Variants in B4GALT6 observed in about 807,000 individuals in gnomAD.
B4GALT6 encodes beta-1,4-galactosyltransferase 6.
In B4GALT6, 14 loss-of-function variants were observed where a neutral mutation model predicts 46.3. The observed-to-expected ratio is 0.30, with a 90% CI of 0.20 to 0.47. The LOEUF is 0.47. Among genes scored for constraint, B4GALT6 ranks in the 20% least tolerant of loss-of-function variants. The pLI, the probability that B4GALT6 is intolerant of heterozygous loss-of-function variation, is 0.99. For synonymous variants in B4GALT6, 168 were observed against 162.0 expected (o/e 1.04, Z -0.28); for missense variants, 386 against 480.1 (o/e 0.80, Z 1.83).
At chr18:31,655,931 C>T (rs2074132686) in intron 3 of B4GALT6, among the ~76,000 whole-genome samples, 1 of 151,944 alleles carries the variant, frequency 6.6e-6, no homozygotes, top group Non-Finnish European at 1.5e-5. Flanking sequence ...AGGGACCAGG[C>T]CCACTACTCT....
the B4GALT6 span, among the ~76,000 whole-genome samples, chr18:31,709,269 T>C: frequency 2.0e-5 from 3 of 151,880 alleles, no homozygotes; most frequent in Non-Finnish European, 2.9e-5. Flanking sequence ...CTCACTATGT[T>C]GCCCAGGCTG....
At chr18:31,688,951 T>C (rs572282819), upstream of B4GALT6, among the ~76,000 whole-genome samples, 1 of 152,304 alleles carries the variant, frequency 6.6e-6, no homozygotes, top group African/African-American at 2.4e-5. Flanking sequence ...GAAATAAATA[T>C]ATGTAATCCA....
chr18:31,666,355 T>C lies in B4GALT6; in HGVS notation c.133A>G (p.Met45Val), dbSNP rs146312568. Reference protein sequence around the residue: ...APGIANTYLFMVQARGIMLRE... With the variant: ...APGIANTYLFVVQARGIMLRE... ...AACATTATACCTCGAGCTTGTACCA[T>C]AAAGAGATATGTGTTGGCTATAAAA... is the stretch of plus-strand genomic sequence containing the variant. The change falls in exon 2 of 9, where the codon ATG becomes GTG. Residue 45 changes from methionine to valine, a missense_variant. Transcript: ENST00000306851. The C allele has an allele frequency of 1.0e-5, 16 of 1,594,724 alleles. No homozygotes were observed. The highest frequency in any genetic ancestry group is 8.0e-5 in the African/African-American group (6 of 74,596).
the B4GALT6 span, among the ~76,000 whole-genome samples, chr18:31,705,545 C>T: frequency 3.9e-5 from 6 of 152,314 alleles, no homozygotes; most frequent in South Asian, 4.1e-4. Flanking sequence ...CCCACCACCA[C>T]GCCCAGCTAA....
chr18:31,627,036 A>G lies in B4GALT6; in HGVS notation c.862T>C (p.Trp288Arg), dbSNP rs1277424159. ...RKINGFPNAF[W>R]GWGGEDDDLW... The stretch of plus-strand genomic sequence containing the variant: ...TCATCATCTTCTCCTCCCCATCCCC[A>G]GAAGGCATTAGGAAAACCATTGATC... Residue 288 changes from tryptophan to arginine, a missense_variant, in exon 7 of 9, where the codon TGG becomes CGG. Trp to Arg is a moderately radical substitution (Grantham distance 101). Transcript: ENST00000306851. The G allele has an allele frequency of 6.2e-7, 1 of 1,611,728 alleles. No homozygotes were observed.
At chr18:31,644,320 G>C (rs1168856923) in intron 4 of B4GALT6, among the ~76,000 whole-genome samples, 1 of 152,196 alleles carries the variant, frequency 6.6e-6, no homozygotes, top group African/African-American at 2.4e-5. Flanking sequence ...AATGTGCTCT[G>C]TGTTGGGAAT....
chr18:31,671,177 T>C (rs545125924), intron 1 of B4GALT6, among the ~76,000 whole-genome samples: 46 of 152,342 alleles, frequency 3.0e-4, no homozygotes, highest in African/African-American at 1.1e-3. Context: ...TCCAAGTCTT[T>C]GCTATTGTGA....
At chr18:31,630,120 A>G (rs2073767333) in intron 6 of B4GALT6, among the ~76,000 whole-genome samples, 1 of 141,874 alleles carries the variant, frequency 7.0e-6, no homozygotes, top group Non-Finnish European at 1.5e-5. Context: ...AGTGGGGAGG[A>G]GGAGTGGGGA....
At chr18:31,718,704 A>G in the B4GALT6 span, among the ~76,000 whole-genome samples, 7 of 152,148 alleles carry the variant, frequency 4.6e-5, no homozygotes, top group Non-Finnish European at 7.3e-5. Flanking sequence ...CACTCCTGAG[A>G]GAAGAAGCCG....
chr18:31,652,857 A>G (rs1031502888), intron 3 of B4GALT6, among the ~76,000 whole-genome samples: 23 of 152,006 alleles, frequency 1.5e-4, no homozygotes, highest in Admixed American at 1.3e-3. Context: ...CAAGCTCCTC[A>G]TTGGTCTCCT....
At chr18:31,664,609 A>T (rs2144677816) in intron 2 of B4GALT6, among the ~76,000 whole-genome samples, 1 of 152,048 alleles carries the variant, frequency 6.6e-6, no homozygotes, top group Non-Finnish European at 1.5e-5. Context: ...ATCAAGCTCA[A>T]CATCCACACA....
At chr18:31,702,976 A>G in the B4GALT6 span, among the ~76,000 whole-genome samples, 1 of 152,206 alleles carries the variant, frequency 6.6e-6, no homozygotes, top group Non-Finnish European at 1.5e-5. Flanking sequence ...TTGAGTAAGA[A>G]CCATGAGAAT....
chr18:31,676,150 A>G (rs1218234177), intron 1 of B4GALT6, among the ~76,000 whole-genome samples: 3 of 152,168 alleles, frequency 2.0e-5, no homozygotes, highest in African/African-American at 7.2e-5. Context: ...ATTGCACTAT[A>G]ATTAGAAGTC....
intron 6 of B4GALT6, among the ~76,000 whole-genome samples, chr18:31,629,333 G>A (rs2073744367): frequency 6.7e-6 from 1 of 148,352 alleles, no homozygotes; most frequent in Admixed American, 6.8e-5. Flanking sequence ...AGGGTCAACT[G>A]TATTTTATTA....
intron 1 of B4GALT6, among the ~76,000 whole-genome samples, chr18:31,674,187 T>C (rs549961873): frequency 2.5e-4 from 38 of 152,136 alleles, no homozygotes; most frequent in Non-Finnish European, 4.7e-4. Context: ...AGGTACAACT[T>C]TCTCCATTAG....
intron 5 of B4GALT6, among the ~76,000 whole-genome samples, chr18:31,634,041 CTT>C (rs1037960614): frequency 6.6e-6 from 1 of 152,124 alleles, no homozygotes; most frequent in Non-Finnish European, 1.5e-5. Flanking sequence ...GATCTGGACT[CTT>C]TTTCCTGGAG....
chr18:31,656,175 T>C lies in B4GALT6; in HGVS notation c.346+1801A>G, dbSNP rs553370920. Reference sequence around the variant, plus strand: ...GAAGGTCAATCTTTCTTTTTATTATTGATATATAATATCTATCAACAATAA... The same window carrying C: ...GAAGGTCAATCTTTCTTTTTATTATCGATATATAATATCTATCAACAATAA... On this transcript the variant is annotated intron_variant, in intron 3 of 8. Transcript: ENST00000306851. 7.2e-5 allele frequency among the ~76,000 whole-genome samples: 11 copies of C among 152,260 alleles called. No individual in the cohort carries two copies. The South Asian group carries it at 2.1e-3, about 29-fold the overall frequency.
At chr18:31,656,497 G>T (rs540156259) in intron 3 of B4GALT6, among the ~76,000 whole-genome samples, 1 of 151,744 alleles carries the variant, frequency 6.6e-6, no homozygotes, top group East Asian at 1.9e-4. Context: ...TTAAAATAAT[G>T]ATAATGTATT....
In B4GALT6 at chr18:31,683,118, G is replaced by A. The variant is rs8084949; in HGVS notation, c.115+1194C>T. Among the ~76,000 whole-genome samples the A allele has an allele frequency of 9.4e-3, 1,432 of 152,276 alleles. 26 individuals are homozygous for A. Among genetic ancestry groups the A allele is most frequent in the African/African-American group, 0.034 (1,395 of 41,550 alleles). On this transcript the variant is annotated intron_variant, in intron 1 of 8. Transcript: ENST00000306851. ...ATCATCTGAGTTTATACACCTCACT[G>A]AATCCAAAAATTAATTATTAAAGAA...
Sources: gnomAD v4.1 joint callset for allele counts (sites outside exome capture counted in the v4.1 genomes callset) on GRCh38, gnomAD v4.1.1 for gene constraint, MANE v1.5 for transcripts, NCBI Gene and HGNC (gene_info 2026-07-23, HGNC 2026-07-21) for gene names.